DLGAP2: variants seen among roughly 807,000 people sequenced by gnomAD.
DLGAP2 encodes the protein disks large-associated protein 2.
Under a neutral mutation model 100.3 loss-of-function variants are expected in DLGAP2, and 26 were observed. The observed-to-expected ratio is 0.26, with a 90% CI of 0.19 to 0.36. DLGAP2 has a LOEUF of 0.36. DLGAP2 is among the 10% of genes least tolerant of loss of function. The pLI, the probability that DLGAP2 is intolerant of heterozygous loss-of-function variation, is 1.00. For synonymous variants in DLGAP2, 886 were observed against 630.1 expected, an observed-to-expected ratio of 1.41 and a Z score of -6.08; for missense variants, 1,858 against 1,453.2, an observed-to-expected ratio of 1.28 and a Z score of -4.53.
chr8:1,550,172 C>T (rs1801713672), intron 5 of DLGAP2, among the ~76,000 whole-genome samples: 1 of 152,208 alleles, frequency 6.6e-6, no homozygotes, highest in Admixed American at 6.5e-5. Flanking sequence ...TCCAGCTCAC[C>T]TGTGTTGTGG....
At chr8:1,413,759 A>G (rs1191047341) in intron 3 of DLGAP2, among the ~76,000 whole-genome samples, 1 of 152,210 alleles carries the variant, frequency 6.6e-6, no homozygotes, top group African/African-American at 2.4e-5. Flanking sequence ...CAATGACAGG[A>G]TGATGGGGTT....
At chr8:943,059 G>A (rs376113103) in intron 2 of DLGAP2, among the ~76,000 whole-genome samples, 6 of 152,320 alleles carry the variant, frequency 3.9e-5, no homozygotes, top group African/African-American at 9.6e-5. Flanking sequence ...ACCACAATCC[G>A]AATTCCTGAC....
chr8:1,497,224 G>A (rs960397528), intron 3 of DLGAP2, among the ~76,000 whole-genome samples: 2 of 152,180 alleles, frequency 1.3e-5, no homozygotes, highest in South Asian at 2.1e-4. Flanking sequence ...TCAAAGGCAC[G>A]TTTTGTTTTG....
Position 1,089,652 on chromosome 8 carries a change from T to C in DLGAP2, c.74-169199T>C, listed in dbSNP as rs552007517. Among the ~76,000 whole-genome samples the C allele has an allele frequency of 1.1e-4, 16 of 152,338 alleles. No homozygotes were observed. The South Asian group carries it at 2.9e-3, about 28-fold the overall frequency. ...TGAAAAATGATAGGTTCATATTGAT[T>C]TTCAGGCCAAGGAATGCTGTTCTTA... On this transcript the variant is annotated intron_variant, in intron 2 of 14. Transcript: ENST00000637795.
intron 5 of DLGAP2, among the ~76,000 whole-genome samples, chr8:1,560,484 T>C (rs757450424): frequency 6.6e-6 from 1 of 152,182 alleles, no homozygotes; most frequent in Non-Finnish European, 1.5e-5. Context: ...AGTACTGTTG[T>C]CATTTCTCCT....
chr8:1,179,346 G>C (rs1014576348), intron 2 of DLGAP2, among the ~76,000 whole-genome samples: 2 of 152,226 alleles, frequency 1.3e-5, no homozygotes, highest in African/African-American at 4.8e-5. Context: ...GGCACCAGCT[G>C]AGGCTGTGGG....
At chr8:1,595,165 C>T (rs1268879331) in intron 6 of DLGAP2, among the ~76,000 whole-genome samples, 2 of 152,092 alleles carry the variant, frequency 1.3e-5, no homozygotes, top group Non-Finnish European at 2.9e-5. Flanking sequence ...CTCAACCTCC[C>T]GAGTGGCTGG....
At chr8:1,215,307 CTGAGCA>C (rs1421223497) in intron 2 of DLGAP2, among the ~76,000 whole-genome samples, 3 of 152,238 alleles carry the variant, frequency 2.0e-5, no homozygotes, top group African/African-American at 7.2e-5. Flanking sequence ...TCAGCACCTT[CTGAGCA>C]TGATCATGCG....
intron 2 of DLGAP2, among the ~76,000 whole-genome samples, chr8:1,092,881 A>G (rs1478640346): frequency 6.6e-6 from 1 of 152,204 alleles, no homozygotes; most frequent in Non-Finnish European, 1.5e-5. Flanking sequence ...AGCCCAGATC[A>G]GCCACTTACA....
At chr8:924,663 A>C (rs1036109561) in intron 2 of DLGAP2, among the ~76,000 whole-genome samples, 2 of 150,118 alleles carry the variant, frequency 1.3e-5, no homozygotes, top group South Asian at 2.1e-4. Context: ...GGTCACTGCA[A>C]CCTCCACCTC....
intron 3 of DLGAP2, among the ~76,000 whole-genome samples, chr8:1,424,301 C>G (rs1797180456): frequency 6.6e-6 from 1 of 152,212 alleles, no homozygotes; most frequent in Non-Finnish European, 1.5e-5. Flanking sequence ...CTAAAGACAA[C>G]AGAGACTTAT....
chr8:849,674 G>C (rs1042651602), intron 1 of DLGAP2, among the ~76,000 whole-genome samples: 2 of 152,152 alleles, frequency 1.3e-5, no homozygotes, highest in Non-Finnish European at 2.9e-5. Context: ...CTCTTTCAAG[G>C]TTTTACTGCA....
intron 2 of DLGAP2, among the ~76,000 whole-genome samples, chr8:1,187,051 T>C (rs1187613790): frequency 6.7e-6 from 1 of 148,284 alleles, no homozygotes; most frequent in Non-Finnish European, 1.5e-5. Flanking sequence ...GGCCCCAGAA[T>C]CCCATGGAAG....
intron 3 of DLGAP2, among the ~76,000 whole-genome samples, chr8:1,492,813 G>A (rs1162162692): frequency 6.6e-6 from 1 of 152,176 alleles, no homozygotes; most frequent in Non-Finnish European, 1.5e-5. Context: ...AAGGAGAAGG[G>A]CTGTGTACGA....
At chr8:1,059,247 C>G (rs774552494) in intron 2 of DLGAP2, among the ~76,000 whole-genome samples, 1 of 152,100 alleles carries the variant, frequency 6.6e-6, no homozygotes, top group South Asian at 2.1e-4. Context: ...CCCCTGCCCA[C>G]TCACCCCTCG....
At chr8:1,615,698 G>A (rs1173674748) in intron 6 of DLGAP2, among the ~76,000 whole-genome samples, 1 of 151,330 alleles carries the variant, frequency 6.6e-6, no homozygotes, top group Non-Finnish European at 1.5e-5. Flanking sequence ...TCTTTAAACA[G>A]CCATTGTAAG....
At chr8:757,565 A>G (rs1233366188) in intron 1 of DLGAP2, among the ~76,000 whole-genome samples, 1 of 151,772 alleles carries the variant, frequency 6.6e-6, no homozygotes, top group Non-Finnish European at 1.5e-5. Flanking sequence ...ACCCGGCCAT[A>G]CCCTCCCCTG....
chr8:901,307 C>T (rs1018773336), intron 1 of DLGAP2, among the ~76,000 whole-genome samples: 3 of 152,150 alleles, frequency 2.0e-5, no homozygotes, highest in Admixed American at 6.5e-5. Flanking sequence ...AAAAGTAGGT[C>T]CAAAGGCTTA....
chr8:941,972 T>G (rs1441417919), intron 2 of DLGAP2, among the ~76,000 whole-genome samples: 1 of 152,134 alleles, frequency 6.6e-6, no homozygotes, highest in Admixed American at 6.5e-5. Flanking sequence ...TCAGTGGGAA[T>G]GTTTTTGTTG....
Sources: allele counts gnomAD v4.1 joint callset (sites outside exome capture counted in the v4.1 genomes callset), GRCh38; gene constraint gnomAD v4.1.1; transcripts MANE v1.5; gene names NCBI Gene and HGNC (gene_info 2026-07-23, HGNC 2026-07-21).